Variants in TRIM2 observed in about 807,000 individuals in gnomAD.
The protein encoded by TRIM2 is tripartite motif-containing protein 2.
A neutral mutation model predicts 75.2 loss-of-function variants in TRIM2; 20 were observed. The ratio of observed to expected loss-of-function variants is 0.27; its 90% CI spans 0.19 to 0.39. The LOEUF (loss-of-function observed/expected upper bound fraction) is 0.39, where lower values mean the gene tolerates loss of function less well. TRIM2 is among the 10% of genes least tolerant of loss of function. TRIM2 has a pLI of 1.00. For missense variants in TRIM2, 660 were observed against 990.8 expected (o/e 0.67, Z 4.48); for synonymous variants, 373 against 388.3 (o/e 0.96, Z 0.46).
intron 6 of TRIM2, among the ~76,000 whole-genome samples, chr4:153,302,798 T>C (rs1191024131): frequency 1.3e-5 from 2 of 152,242 alleles, no homozygotes; most frequent in Non-Finnish European, 2.9e-5. Context: ...TACACTTTGA[T>C]TATTGTTACT....
At chr4:153,239,334 A>G (rs571839562) in intron 1 of TRIM2, among the ~76,000 whole-genome samples, 69 of 148,240 alleles carry the variant, frequency 4.7e-4, no homozygotes, top group Non-Finnish European at 1.5e-4. Flanking sequence ...CCTAGGAGAC[A>G]CAGCGTGACT....
intron 1 of TRIM2, among the ~76,000 whole-genome samples, chr4:153,235,032 C>T (rs532933814): frequency 6.6e-6 from 1 of 152,318 alleles, no homozygotes; most frequent in Non-Finnish European, 1.5e-5. Flanking sequence ...GTTGGTCTTC[C>T]TCCACTAACA....
chr4:153,298,225 A>G (rs974835054), intron 6 of TRIM2, among the ~76,000 whole-genome samples: 2 of 152,238 alleles, frequency 1.3e-5, no homozygotes, highest in Non-Finnish European at 2.9e-5. Context: ...GAGTTTATCA[A>G]TGAAGTAAAG....
chr4:153,313,427 G>A (rs1157613622), intron 6 of TRIM2, among the ~76,000 whole-genome samples: 1 of 151,980 alleles, frequency 6.6e-6, no homozygotes, highest in Non-Finnish European at 1.5e-5. Flanking sequence ...TGATGATTCT[G>A]CCCAGCAATT....
At chr4:153,239,832 C>CTTTTTTTTTTTTTTTTTTTTTTTTTTT (rs142457664) in intron 1 of TRIM2, among the ~76,000 whole-genome samples, 1 of 139,448 alleles carries the variant, frequency 7.2e-6, no homozygotes, top group African/African-American at 2.7e-5. Flanking sequence ...AACTTTCTTT[C>CTTTTTTTTTTTTTTTTTTTTTTTTTTT]TCTTTTTTTT....
At chr4:153,189,093 C>G (rs999634656) in intron 1 of TRIM2, among the ~76,000 whole-genome samples, 1 of 152,184 alleles carries the variant, frequency 6.6e-6, no homozygotes, top group South Asian at 2.1e-4. Context: ...TCAAGCAACT[C>G]TCCCACCTCA....
At chr4:153,231,309 T>C (rs1294530913) in intron 1 of TRIM2, among the ~76,000 whole-genome samples, 1 of 152,162 alleles carries the variant, frequency 6.6e-6, no homozygotes, top group Non-Finnish European at 1.5e-5. Context: ...ACTCATATGA[T>C]ACAGACATTA....
At chr4:153,204,286 C>G (rs1014642055), upstream of TRIM2, among the ~76,000 whole-genome samples, 3 of 152,202 alleles carry the variant, frequency 2.0e-5, no homozygotes, top group African/African-American at 7.2e-5. Flanking sequence ...TTTCTCATTC[C>G]CGTCTCCCCT....
intron 1 of TRIM2, among the ~76,000 whole-genome samples, chr4:153,213,919 A>C (rs1232239698): frequency 6.6e-6 from 1 of 152,182 alleles, no homozygotes; most frequent in East Asian, 1.9e-4. Flanking sequence ...GGCACAGGAC[A>C]GTTGGCTACA....
At chr4:153,320,976 C>T (rs1168845238) in intron 8 of TRIM2, among the ~76,000 whole-genome samples, 1 of 152,304 alleles carries the variant, frequency 6.6e-6, no homozygotes, top group South Asian at 2.1e-4. Flanking sequence ...CCCTCCAACA[C>T]GTCAAGCCTG....
At chr4:153,183,330 G>T (rs2149641339) in intron 1 of TRIM2, among the ~76,000 whole-genome samples, 1 of 152,286 alleles carries the variant, frequency 6.6e-6, no homozygotes, top group Non-Finnish European at 1.5e-5. Context: ...GTGCCCAGCT[G>T]AATGATAAAT....
intron 8 of TRIM2, 76 bp from the exon 9 acceptor site, chr4:153,322,572 G>A (rs1306330506): frequency 1.0e-5 from 15 of 1,507,252 alleles, no homozygotes; most frequent in Non-Finnish European, 1.3e-5. Flanking sequence ...CCAAAACAGT[G>A]TTTATCTTCA....
At chr4:153,198,852 G>A (rs1734034630) in intron 1 of TRIM2, among the ~76,000 whole-genome samples, 1 of 152,178 alleles carries the variant, frequency 6.6e-6, no homozygotes, top group African/African-American at 2.4e-5. Flanking sequence ...ATGGGTAATT[G>A]AGGCTTCAGG....
chr4:153,162,439 T>C (rs989175199), intron 1 of TRIM2, among the ~76,000 whole-genome samples: 2 of 152,184 alleles, frequency 1.3e-5, no homozygotes, highest in Non-Finnish European at 2.9e-5. Flanking sequence ...CCACAGACCA[T>C]CTGCTGGAAA....
chr4:153,280,346 G>T (rs1029212907), intron 3 of TRIM2, among the ~76,000 whole-genome samples: 1 of 149,180 alleles, frequency 6.7e-6, no homozygotes, highest in Non-Finnish European at 1.5e-5. Flanking sequence ...TAATGACATT[G>T]GCTGTAAAAT....
chr4:153,280,267 A>T (rs571802912), intron 3 of TRIM2, among the ~76,000 whole-genome samples: 42 of 152,170 alleles, frequency 2.8e-4, no homozygotes, highest in African/African-American at 7.5e-4. Flanking sequence ...TTCATTTGTG[A>T]TACGCTTATA....
At chr4:153,252,578 C>A (rs887947958) in intron 1 of TRIM2, among the ~76,000 whole-genome samples, 2 of 152,210 alleles carry the variant, frequency 1.3e-5, no homozygotes, top group South Asian at 2.1e-4. Context: ...GTGGCATGAT[C>A]TCGGCTCACT....
At chr4:153,161,117 C>G (rs563493114) in intron 1 of TRIM2, among the ~76,000 whole-genome samples, 4 of 152,180 alleles carry the variant, frequency 2.6e-5, no homozygotes, top group Admixed American at 6.5e-5. Context: ...CTCTAGTATT[C>G]TAAGGAACAA....
At chr4:153,323,027 G>A (rs1769355921) in intron 9 of TRIM2, among the ~76,000 whole-genome samples, 1 of 152,190 alleles carries the variant, frequency 6.6e-6, no homozygotes, top group Admixed American at 6.5e-5. Flanking sequence ...TGCAGTCCTT[G>A]TGTGGTTTTT....
Sources: gnomAD v4.1 joint callset for allele counts (sites outside exome capture counted in the v4.1 genomes callset) on GRCh38, gnomAD v4.1.1 for gene constraint, MANE v1.5 for transcripts, NCBI Gene and HGNC (gene_info 2026-07-23, HGNC 2026-07-21) for gene names.